OSBPL3: variants seen among roughly 807,000 people sequenced by gnomAD.
OSBPL3 encodes oxysterol binding protein like 3, also known as oxysterol-binding protein-related protein 3.
OSBPL3 carries 65 observed loss-of-function variants against 120.1 expected under a neutral mutation model. The ratio of observed to expected loss-of-function variants is 0.54; its 90% confidence interval spans 0.44 to 0.67. The LOEUF (loss-of-function observed/expected upper bound fraction) is 0.67, where lower values mean the gene tolerates loss of function less well. OSBPL3 is among the 30% of genes least tolerant of loss of function. The probability of loss-of-function intolerance (pLI) is 0.00; values close to 1 mark genes in which losing one functional copy is unlikely to be tolerated. For synonymous variants in OSBPL3, 416 were observed against 402.6 expected (o/e 1.03, Z -0.40); for missense variants, 1,004 against 1,082.1 (o/e 0.93, Z 1.01).
chr7:24,872,184 GT>G lies in OSBPL3; in HGVS notation c.97-116del. 1.4e-6 allele frequency: 1 copy of G among 737,816 alleles called. No homozygotes were observed. The highest frequency in any genetic ancestry group is 1.8e-5 in the African/African-American group (1 of 56,760). The allele number at this position is 737,816 out of a possible 1,614,324, so 45.7% of individuals were successfully genotyped here. A position where few individuals can be genotyped will look rare whatever the true frequency, so the allele number is the denominator to read the frequency against. On this transcript the variant is annotated intron_variant, in intron 2 of 22. Transcript: ENST00000313367. The surrounding 1 kb of genome is among the most constrained non-coding windows in gnomAD (Gnocchi z 4.1). Reference sequence around the variant, plus strand: ...CAAGATGGGGAGGCTGGCTGGGTTTGTTGGGGAGAAGAAATCCAAATTTAAT... The same window carrying G: ...CAAGATGGGGAGGCTGGCTGGGTTTGTGGGGAGAAGAAATCCAAATTTAAT...
intron 2 of OSBPL3, among the ~76,000 whole-genome samples, chr7:24,880,307 CT>C (rs1025852830): frequency 1.3e-5 from 2 of 152,128 alleles, no homozygotes; most frequent in Non-Finnish European, 2.9e-5. Flanking sequence ...CACGCAGAAC[CT>C]CGCAGCTGAG....
chr7:24,975,011 G>A (rs1817427059), intron 1 of OSBPL3, among the ~76,000 whole-genome samples: 1 of 152,164 alleles, frequency 6.6e-6, no homozygotes, highest in African/African-American at 2.4e-5. Context: ...TGTCTCAATG[G>A]TGAGTGGTGA....
intron 1 of OSBPL3, among the ~76,000 whole-genome samples, chr7:24,902,438 A>G (rs577862804): frequency 7.9e-5 from 12 of 152,270 alleles, no homozygotes; most frequent in Admixed American, 7.2e-4. Context: ...TTCCTGCAAC[A>G]TGACTATGTC....
At chr7:24,949,965 C>T (rs1412166328) in intron 1 of OSBPL3, among the ~76,000 whole-genome samples, 1 of 152,162 alleles carries the variant, frequency 6.6e-6, no homozygotes, top group Non-Finnish European at 1.5e-5. Flanking sequence ...TTTCAACAGT[C>T]TCCAATTTAT....
intron 12 of OSBPL3, 25 bp from the exon 13 acceptor site, chr7:24,842,438 T>C (rs1379562843): frequency 4.5e-6 from 7 of 1,552,638 alleles, no homozygotes; most frequent in Non-Finnish European, 4.4e-6. Flanking sequence ...AAACCAAAAA[T>C]GTATACATTT....
At chr7:24,875,451 A>G (rs1351157368) in intron 2 of OSBPL3, among the ~76,000 whole-genome samples, 2 of 152,224 alleles carry the variant, frequency 1.3e-5, no homozygotes, top group African/African-American at 2.4e-5. Context: ...ATATTGAAAT[A>G]TATGTTTTAA....
chr7:24,882,697 G>A (rs947890613), intron 2 of OSBPL3, among the ~76,000 whole-genome samples: 2 of 152,152 alleles, frequency 1.3e-5, no homozygotes, highest in Admixed American at 6.6e-5. Flanking sequence ...CATTCCCATT[G>A]ACAGTGTGAA....
chr7:24,841,235 G>C (rs1163416846), intron 13 of OSBPL3, among the ~76,000 whole-genome samples: 1 of 151,914 alleles, frequency 6.6e-6, no homozygotes, highest in African/African-American at 2.4e-5. Flanking sequence ...TTCAGGAAAG[G>C]ATAATTTTTA....
At chr7:24,809,127 C>G (rs1793442128) in intron 20 of OSBPL3, among the ~76,000 whole-genome samples, 1 of 152,110 alleles carries the variant, frequency 6.6e-6, no homozygotes, top group South Asian at 2.1e-4. Flanking sequence ...GTTTAAACCA[C>G]CAGTCAAATG....
intron 19 of OSBPL3, among the ~76,000 whole-genome samples, chr7:24,814,060 A>C (rs1323517565): frequency 2.6e-5 from 4 of 152,140 alleles, no homozygotes; most frequent in Non-Finnish European, 5.9e-5. Context: ...ATAAACACAC[A>C]CAGCAACGAT....
chr7:24,957,955 A>G (rs766426878), intron 1 of OSBPL3, among the ~76,000 whole-genome samples: 1 of 148,660 alleles, frequency 6.7e-6, no homozygotes, highest in Admixed American at 6.6e-5. Flanking sequence ...TTCCATATCA[A>G]TAAGGAGGAA....
In OSBPL3 at chr7:24,796,578, A is replaced by G. The variant is rs1208262037; in HGVS notation, c.*3605T>C. 1.3e-5 allele frequency: 2 copies of G among 152,184 alleles called. No individual in the cohort carries two copies. The highest frequency in any genetic ancestry group is 4.8e-5 in the African/African-American group (2 of 41,454). 9.4% of individuals were successfully genotyped at this position (152,184 alleles called of 1,614,324 possible). ...TATTTATTCACATTCAACTAGCTAC[A>G]TGAGGGGGATAAGCAAATTAATAGG... On this transcript the variant is annotated 3_prime_UTR_variant, in exon 23 of 23. Coordinates refer to ENST00000313367, the MANE Select transcript of OSBPL3 (RefSeq NM_015550.4). This position sits in a 1 kb window ranked among gnomAD's most constrained non-coding sequence, Gnocchi z 5.2.
At chr7:24,801,270 T>C (rs1052192563) in intron 22 of OSBPL3, among the ~76,000 whole-genome samples, 6 of 142,088 alleles carry the variant, frequency 4.2e-5, no homozygotes, top group Non-Finnish European at 9.1e-5. Context: ...AAAAAAGTAA[T>C]TGAAAGCCAT....
rs1477321818 is a variant in OSBPL3, at chr7:24,899,708, T to C, written c.-149-7087A>G. Among the ~76,000 whole-genome samples the C allele has an allele frequency of 6.6e-6, 1 of 152,224 alleles. No individual in the cohort carries two copies. Among genetic ancestry groups the C allele is most frequent in the Non-Finnish European group, 1.5e-5 (1 of 68,046 alleles). ...ACATTAATTTGTCTGTTAATTAGCATTTCTGCATACAAATGCATACAACCC... is the reference window on the plus strand; with the variant it reads ...ACATTAATTTGTCTGTTAATTAGCACTTCTGCATACAAATGCATACAACCC... On this transcript the variant is annotated intron_variant, in intron 1 of 22. Transcript: ENST00000313367. The surrounding 1 kb of genome is among the most constrained non-coding windows in gnomAD (Gnocchi z 4.0).
At chr7:24,887,825 T>C (rs892357793) in intron 2 of OSBPL3, among the ~76,000 whole-genome samples, 2 of 152,268 alleles carry the variant, frequency 1.3e-5, no homozygotes, top group East Asian at 1.9e-4. Flanking sequence ...TCTGTGCAGC[T>C]ACTACCAAGA....
chr7:24,807,462 C>T (rs867657051), intron 20 of OSBPL3, among the ~76,000 whole-genome samples: 2 of 152,144 alleles, frequency 1.3e-5, no homozygotes, highest in Middle Eastern at 3.4e-3. Context: ...CACTGCATTC[C>T]AGCCTGGGCG....
intron 16 of OSBPL3, among the ~76,000 whole-genome samples, chr7:24,829,525 A>C (rs1023043843): frequency 6.6e-6 from 1 of 152,120 alleles, no homozygotes; most frequent in Admixed American, 6.5e-5. Context: ...CTGTAGTGCA[A>C]ATCCATTGAT....
At chr7:24,853,825 T>C (rs977837950) in intron 10 of OSBPL3, among the ~76,000 whole-genome samples, 2 of 152,220 alleles carry the variant, frequency 1.3e-5, no homozygotes, top group African/African-American at 4.8e-5. Flanking sequence ...GTAAAGGGTA[T>C]ACAGAAGTTC....
intron 2 of OSBPL3, among the ~76,000 whole-genome samples, chr7:24,880,335 G>C (rs1003087362): frequency 4.6e-5 from 7 of 152,132 alleles, no homozygotes; most frequent in Admixed American, 2.0e-4. Flanking sequence ...CTGTGGATAA[G>C]ATCACCTAGA....
Sources: gnomAD v4.1 joint callset for allele counts (sites outside exome capture counted in the v4.1 genomes callset) on GRCh38, gnomAD v4.1.1 for gene constraint, Gnocchi (gnomAD v3.1) non-coding constraint, MANE v1.5 for transcripts, NCBI Gene and HGNC (gene_info 2026-07-23, HGNC 2026-07-21) for gene names.